Variants in DMPK observed in about 807,000 individuals in gnomAD.
DMPK encodes DM1 protein kinase, also known as myotonin-protein kinase.
DMPK carries 32 observed loss-of-function variants against 70.3 expected under a neutral mutation model. The ratio of observed to expected loss-of-function variants is 0.46; its 90% CI spans 0.34 to 0.61. The LOEUF is 0.61. Ranked by LOEUF, DMPK falls within the 20% of genes least tolerant of loss-of-function variation. DMPK has a pLI of 0.01. For synonymous variants in DMPK, 469 were observed against 390.9 expected, an observed-to-expected ratio of 1.20 and a Z score of -2.36; for missense variants, 899 against 886.0, an observed-to-expected ratio of 1.01 and a Z score of -0.19.
Position 45,770,459 on chromosome 19 carries a change from G to A in DMPK, c.*29C>T, listed in dbSNP as rs1056587328. On this transcript the variant is annotated 3_prime_UTR_variant, in exon 15 of 15. Transcript: ENST00000291270. ...CCCCGGGCACTCAGTCTTCCAACGG[G>A]GCCCCGGAGTCGAAGACAGTTCTAG... 2.6e-6 allele frequency: 4 copies of A among 1,549,044 alleles called. No homozygotes were observed. In the South Asian group the frequency reaches 3.6e-5, roughly 14 times the overall value.
intron 1 of DMPK, 124 bp from the exon 2 acceptor site, chr19:45,779,993 C>CTT: frequency 1.3e-6 from 2 of 1,562,148 alleles, no homozygotes; most frequent in Non-Finnish European, 1.7e-6. Context: ...CTAGGACTGT[C>CTT]TGCTTCCCAG....
rs1183433847 is a variant in DMPK, at chr19:45,771,650, T to C, written c.1518A>G (p.Ala506=). The stretch of plus-strand genomic sequence containing the variant: ...CCTCTAGGTCCCGGTTCCGAGCCTC[T>C]GCCTCGCGTAGTTGACTGTGGGGAG... The part of the protein sequence containing the change: ...NQNFASQLRE[A]EARNRDLEAH... The change falls in exon 12 of 15, where the codon GCA becomes GCG. Residue 506 remains alanine, a synonymous_variant. Transcript: ENST00000291270. 1 of 1,613,862 alleles carries C rather than the reference T, an allele frequency of 6.2e-7. No individual in the cohort carries two copies. The highest frequency in any genetic ancestry group is 1.3e-5 in the African/African-American group (1 of 74,906).
rs761137550 is a variant in DMPK, at chr19:45,779,743, CGA to C, written c.252+33_252+34del. 5.9e-5 allele frequency: 90 copies of C among 1,535,000 alleles called. No individual in the cohort carries two copies. The African/African-American group carries it at 1.2e-3, about 20-fold the overall frequency. ...CCCAACCCCTATGCCCCGCCCACCA[CGA>C]GTCAAGTCAGGCTCCCGCCCGGTTC... On this transcript the variant is annotated intron_variant, in intron 2 of 14. Transcript: ENST00000291270.
In DMPK at chr19:45,774,663, G is replaced by A. The variant is rs186858574; in HGVS notation, c.1232+286C>T. Among the ~76,000 whole-genome samples the A allele has an allele frequency of 3.5e-4, 54 of 152,262 alleles. 1 individual carries two copies. Among genetic ancestry groups the A allele is most frequent in the Middle Eastern group, 3.4e-3 (1 of 294 alleles). ...AAAGTCTAAACTTCATATTTTCCAA[G>A]TTCTGAAGTCCTGTGGCTCTGTGTA... On this transcript the variant is annotated intron_variant, in intron 9 of 14. Coordinates refer to ENST00000291270, the MANE Select transcript of DMPK (RefSeq NM_004409.5).
chr19:45,780,162 G>A, intron 1 of DMPK: 2 of 1,436,080 alleles, frequency 1.4e-6, no homozygotes, highest in Non-Finnish European at 1.8e-6. Context: ...GTCTGCAGAA[G>A]GACAGACCCT....
At chr19:45,771,159 T>C in intron 13 of DMPK, 99 bp from the exon 14 acceptor site, 1 of 1,193,568 alleles carries the variant, frequency 8.4e-7, no homozygotes. Flanking sequence ...GGAGGTTATC[T>C]AGGGAGATCC....
intron 14 of DMPK, 146 bp from the exon 15 acceptor site, chr19:45,770,786 G>T: frequency 2.8e-6 from 3 of 1,069,588 alleles, no homozygotes; most frequent in Non-Finnish European, 2.6e-6. Flanking sequence ...TAGTCCACTC[G>T]CACGCCTCGA....
At position 45,782,471 on chromosome 19, in the gene DMPK, G is replaced by GGGACAGCCAGGGA; in HGVS notation, c.-120_-119insTCCCTGGCTGTCC. 1 of 1,199,998 alleles carries GGGACAGCCAGGGA rather than the reference G, an allele frequency of 8.3e-7. No individual in the cohort carries two copies. The highest frequency in any genetic ancestry group is 1.1e-6 in the Non-Finnish European group (1 of 891,298). 74.3% of individuals were successfully genotyped at this position (1,199,998 alleles called of 1,614,324 possible). ...CTGGCTGCATGTCTGCCTGTCCCTG[G>GGGACAGCCAGGGA]CTGTCCCCTGGGCCTCTCTGGCCAC... is the stretch of plus-strand genomic sequence containing the variant. On this transcript the variant is annotated 5_prime_UTR_variant, in exon 1 of 15. Coordinates refer to ENST00000291270, the MANE Select transcript of DMPK (RefSeq NM_004409.5).
At position 45,770,813 on chromosome 19, in the gene DMPK, T is replaced by C. The variant is rs1013858887; in HGVS notation, c.1737+158A>G. On this transcript the variant is annotated intron_variant, in intron 14 of 14. Transcript: ENST00000291270. ...ACGCCTCGAATCCCGTCCGAACTCG[T>C]CATTGGCTGCTTCCTAGCGGCCTGT... is the stretch of plus-strand genomic sequence containing the variant. 22 of 972,784 alleles carry C rather than the reference T, an allele frequency of 2.3e-5. No homozygotes were observed. The East Asian group carries it at 3.2e-4, about 14-fold the overall frequency. The allele number at this position is 972,784 out of a possible 1,614,324, so 60.3% of individuals were successfully genotyped here. A position where few individuals can be genotyped will look rare whatever the true frequency, so the allele number is the denominator to read the frequency against.
chr19:45,777,743 T>A lies in DMPK; in HGVS notation c.806A>T (p.Tyr269Phe), dbSNP rs1969857859. 3 of 1,613,596 alleles carry A rather than the reference T, an allele frequency of 1.9e-6. No homozygotes were observed. The highest frequency in any genetic ancestry group is 2.5e-6 in the Non-Finnish European group (3 of 1,180,032). The change falls in exon 7 of 15, where the codon TAT (tyrosine) becomes TTT (phenylalanine). Residue 269 changes from tyrosine (Y) to phenylalanine (F), a missense_variant. This residue lies in a region of DMPK where 195 missense variants were observed against 259.7 expected (regional missense o/e 0.75). Transcript: ENST00000291270. The surrounding 1 kb of genome is among the most constrained non-coding windows in gnomAD (Gnocchi z 6.7). Reference sequence around the variant, plus strand: ...GGGCGTCTGCCCATAGAACATTTCATAGGCGAATACACCCAGCGCCCACCA... The same window carrying A: ...GGGCGTCTGCCCATAGAACATTTCAAAGGCGAATACACCCAGCGCCCACCA... ...CDWWALGVFA[Y>F]EMFYGQTPFY... is the part of the protein sequence containing the mutation.
At position 45,770,204 on chromosome 19, in the gene DMPK, CCAGCAG is replaced by C; in HGVS notation, c.*278_*283del. 2,224 of 715,318 alleles carry C rather than the reference CCAGCAG, an allele frequency of 3.1e-3. 114 individuals are homozygous for C. Among genetic ancestry groups the C allele is most frequent in the South Asian group, 0.011 (709 of 63,612 alleles). The allele number at this position is 715,318 out of a possible 1,614,324, so 44.3% of individuals were successfully genotyped here. On this transcript the variant is annotated 3_prime_UTR_variant, in exon 15 of 15. Transcript: ENST00000291270. The stretch of plus-strand genomic sequence containing the variant: ...AAGAAAGAAATGGTCTGTGATCCCC[CCAGCAG>C]CAGCAGCAGCAGCAGCAGCAGCAGC...
intron 1 of DMPK, 85 bp from the exon 2 acceptor site, chr19:45,779,954 T>C: frequency 6.3e-7 from 1 of 1,596,862 alleles, no homozygotes; most frequent in South Asian, 1.1e-5. Context: ...TCTGTCTGTC[T>C]CCCCTTCTCT....
chr19:45,770,685 TG>T, intron 14 of DMPK, 45 bp from the exon 15 acceptor site: 16 of 1,540,702 alleles, frequency 1.0e-5, no homozygotes, highest in Non-Finnish European at 1.3e-5. Context: ...GGCCTCTGAT[TG>T]GCTCCTGGGA....
chr19:45,775,680 G>A lies in DMPK; in HGVS notation c.1147-646C>T, dbSNP rs147634105. 1.8e-3 allele frequency among the ~76,000 whole-genome samples: 194 copies of A among 109,862 alleles called. 47 individuals carry two copies. The highest frequency in any genetic ancestry group is 5.7e-3 in the African/African-American group (184 of 32,360). The allele number at this position is 109,862 out of a possible 152,430, so 72.1% of individuals were successfully genotyped here. On this transcript the variant is annotated intron_variant, in intron 8 of 14. Transcript: ENST00000291270. ...TTACAGGCATACGCCACCAAGCCTG[G>A]CTAAATTTTGTATTTTTAGTAGACA...
intron 14 of DMPK, 73 bp from the exon 15 acceptor site, chr19:45,770,713 C>T: frequency 6.7e-7 from 1 of 1,488,554 alleles, no homozygotes; most frequent in Non-Finnish European, 9.1e-7. Context: ...CCGCCTACGC[C>T]CATAGGTGGG....
chr19:45,771,762 G>A lies in DMPK; in HGVS notation c.1502+9C>T, dbSNP rs765691118. ...GCATCCCGGCCCCGGCCCCGGCCCCGATCCCGACCTGGCGAAGTTCTGGTT... is the reference window on the plus strand; with the variant it reads ...GCATCCCGGCCCCGGCCCCGGCCCCAATCCCGACCTGGCGAAGTTCTGGTT... On this transcript the variant is annotated intron_variant, in intron 11 of 14. Transcript: ENST00000291270. 6.3e-7 allele frequency: 1 copy of A among 1,582,620 alleles called. No individual in the cohort carries two copies. The highest frequency in any genetic ancestry group is 1.1e-5 in the South Asian group (1 of 88,234).
chr19:45,780,295 G>C (rs937151700), intron 1 of DMPK: 23 of 1,544,266 alleles, frequency 1.5e-5, no homozygotes, highest in Non-Finnish European at 2.0e-5. Context: ...CCTGGGTAAC[G>C]GCCCAGACGT....
chr19:45,773,800 C>A (rs919636328), intron 9 of DMPK, among the ~76,000 whole-genome samples: 2 of 152,108 alleles, frequency 1.3e-5, no homozygotes, highest in Non-Finnish European at 2.9e-5. Flanking sequence ...ACCACCATGC[C>A]TGGCACGATT....
rs1357567685 is a variant in DMPK at position 45,779,144 on chromosome 19, C to G, written c.432+120G>C. 3 of 1,023,920 alleles carry G rather than the reference C, an allele frequency of 2.9e-6. No individual in the cohort carries two copies. The African/African-American group carries it at 4.7e-5, about 16-fold the overall frequency. 63.4% of individuals were successfully genotyped at this position (1,023,920 alleles called of 1,614,324 possible). On this transcript the variant is annotated intron_variant, in intron 4 of 14. Coordinates refer to ENST00000291270, the MANE Select transcript of DMPK (RefSeq NM_004409.5). ...GACACACCCTCTTACCGCACACAGA[C>G]TTTCCCACAGACGTTTCCGGGCAGC...
Sources: gnomAD v4.1 joint callset for allele counts (sites outside exome capture counted in the v4.1 genomes callset) on GRCh38, gnomAD v4.1.1 for gene constraint, gnomAD v4.1.1 regional missense constraint, Gnocchi (gnomAD v3.1) non-coding constraint, MANE v1.5 for transcripts, NCBI Gene and HGNC (gene_info 2026-07-23, HGNC 2026-07-21) for gene names.